Variants in HS6ST3 observed in about 807,000 individuals in gnomAD.
HS6ST3 encodes heparan sulfate 6-O-sulfotransferase 3.
In HS6ST3, 12 loss-of-function variants were observed where a neutral mutation model predicts 36.7. The ratio of observed to expected loss-of-function variants is 0.33; its 90% CI spans 0.21 to 0.53. The LOEUF (loss-of-function observed/expected upper bound fraction) is 0.53, where lower values mean the gene tolerates loss of function less well. Among genes scored for constraint, HS6ST3 ranks in the 20% least tolerant of loss-of-function variants. The probability of loss-of-function intolerance (pLI) is 0.95; values close to 1 mark genes in which losing one functional copy is unlikely to be tolerated. For missense variants in HS6ST3, 584 were observed against 640.9 expected (o/e 0.91, Z 0.96); for synonymous variants, 240 against 257.5 (o/e 0.93, Z 0.65).
chr13:96,515,197 A>T (rs1478094827), intron 1 of HS6ST3, among the ~76,000 whole-genome samples: 1 of 152,220 alleles, frequency 6.6e-6, no homozygotes, highest in Non-Finnish European at 1.5e-5. Flanking sequence ...ACTTGAATAA[A>T]CCATGAACAC....
At chr13:96,137,781 G>A (rs937044255) in intron 1 of HS6ST3, among the ~76,000 whole-genome samples, 2 of 152,260 alleles carry the variant, frequency 1.3e-5, no homozygotes, top group South Asian at 2.1e-4. Flanking sequence ...GTTTCAGGCC[G>A]CCCAGGGAAG....
intron 1 of HS6ST3, among the ~76,000 whole-genome samples, chr13:96,234,714 A>G (rs1241661467): frequency 6.6e-6 from 1 of 152,096 alleles, no homozygotes; most frequent in Non-Finnish European, 1.5e-5. Flanking sequence ...TATCCTTCCG[A>G]TGATACGTGG....
chr13:96,101,672 A>G (rs1026266987), intron 1 of HS6ST3, among the ~76,000 whole-genome samples: 25 of 152,266 alleles, frequency 1.6e-4, no homozygotes, highest in Admixed American at 5.9e-4. Flanking sequence ...TGCATATCCA[A>G]TACCATGTCT....
At chr13:96,708,813 A>C (rs1019946188) in intron 1 of HS6ST3, among the ~76,000 whole-genome samples, 1 of 152,230 alleles carries the variant, frequency 6.6e-6, no homozygotes, top group Non-Finnish European at 1.5e-5. Flanking sequence ...AGGAATGGAA[A>C]GGCGATATTA....
chr13:96,095,754 G>C (rs1444031571), intron 1 of HS6ST3, among the ~76,000 whole-genome samples: 2 of 152,142 alleles, frequency 1.3e-5, no homozygotes, highest in African/African-American at 4.8e-5. Context: ...GAATGACTCT[G>C]ATTAGCCCAG....
chr13:96,341,288 T>TTATTGGGAGGGGCTCGTATTTC (rs368955479), intron 1 of HS6ST3, among the ~76,000 whole-genome samples: 1,743 of 152,238 alleles, frequency 0.011, 34 homozygotes, highest in African/African-American at 0.04. Flanking sequence ...TTTTTGACTA[T>TTATTGGGAGGGGCTCGTATTTC]TATTGGGAGG....
chr13:96,332,083 G>T (rs1208540667), intron 1 of HS6ST3, among the ~76,000 whole-genome samples: 2 of 152,150 alleles, frequency 1.3e-5, no homozygotes, highest in Non-Finnish European at 2.9e-5. Context: ...CCACTGTCTG[G>T]CACTCCCTAG....
intron 1 of HS6ST3, among the ~76,000 whole-genome samples, chr13:96,588,865 C>T (rs1370614156): frequency 6.6e-6 from 1 of 151,786 alleles, no homozygotes; most frequent in East Asian, 1.9e-4. Flanking sequence ...GCCTGGCCAA[C>T]ATAGCAAAAC....
intron 1 of HS6ST3, among the ~76,000 whole-genome samples, chr13:96,437,459 T>G (rs1024898618): frequency 6.6e-6 from 1 of 152,224 alleles, no homozygotes; most frequent in African/African-American, 2.4e-5. Context: ...TATCACTTCT[T>G]TCTCATTTCC....
chr13:96,212,238 A>G (rs2054402615), intron 1 of HS6ST3, among the ~76,000 whole-genome samples: 1 of 152,264 alleles, frequency 6.6e-6, no homozygotes, highest in South Asian at 2.1e-4. Flanking sequence ...CACGCACACA[A>G]GAAAACATGA....
intron 1 of HS6ST3, among the ~76,000 whole-genome samples, chr13:96,139,979 G>GT (rs1566891743): frequency 6.6e-6 from 1 of 152,026 alleles, no homozygotes; most frequent in South Asian, 2.1e-4. Flanking sequence ...ATATTGGAAA[G>GT]TTTTTTTGAG....
Position 96,622,969 on chromosome 13 carries a change from A to G in HS6ST3, c.708-209521A>G, listed in dbSNP as rs562781796. Among the ~76,000 whole-genome samples, 25 of 152,018 alleles carry G rather than the reference A, an allele frequency of 1.6e-4. No homozygotes were observed. In the South Asian group the frequency reaches 5.0e-3, roughly 30 times the overall value. On this transcript the variant is annotated intron_variant, in intron 1 of 1. Transcript: ENST00000376705. Reference sequence around the variant, plus strand: ...CACTCATGCTTTTTACACAATTTCAATCTCCCTTTTTATGTCCTCAATCAT... The same window carrying G: ...CACTCATGCTTTTTACACAATTTCAGTCTCCCTTTTTATGTCCTCAATCAT...
intron 1 of HS6ST3, among the ~76,000 whole-genome samples, chr13:96,607,667 T>C (rs1358943807): frequency 9.2e-5 from 14 of 152,202 alleles, no homozygotes; most frequent in Admixed American, 9.2e-4. Context: ...ACTAGTCATA[T>C]TGGTGGTGGT....
Position 96,744,389 on chromosome 13 carries a change from A to G in HS6ST3, c.708-88101A>G, listed in dbSNP as rs138600809. On this transcript the variant is annotated intron_variant, in intron 1 of 1. Transcript: ENST00000376705. ...TAGAAACTAAGAGATTTTAAAGTGA[A>G]CATCAGGGTAAATCAATAACTCCTA... Among the ~76,000 whole-genome samples the G allele has an allele frequency of 2.7e-3, 411 of 152,210 alleles. 2 individuals are homozygous for G. The highest frequency in any genetic ancestry group is 4.0e-3 in the Non-Finnish European group (269 of 67,966).
chr13:96,337,931 C>A (rs908013638), intron 1 of HS6ST3, among the ~76,000 whole-genome samples: 2 of 152,026 alleles, frequency 1.3e-5, no homozygotes. Flanking sequence ...TTTGTGTAAT[C>A]ATATTTTAAT....
chr13:96,177,498 AT>A (rs1465392166), intron 1 of HS6ST3, among the ~76,000 whole-genome samples: 2 of 152,220 alleles, frequency 1.3e-5, no homozygotes, highest in African/African-American at 4.8e-5. Flanking sequence ...AGAGGCCATT[AT>A]CCTTAGCAAA....
At chr13:96,345,988 G>A (rs1009299081) in intron 1 of HS6ST3, among the ~76,000 whole-genome samples, 3 of 152,146 alleles carry the variant, frequency 2.0e-5, no homozygotes, top group Admixed American at 1.3e-4. Flanking sequence ...TAAGGAGCAC[G>A]CAGCCTAGAT....
chr13:96,328,578 T>C lies in HS6ST3; in HGVS notation c.707+237009T>C, dbSNP rs1163038063. On this transcript the variant is annotated intron_variant, in intron 1 of 1. Coordinates refer to ENST00000376705, the MANE Select transcript of HS6ST3 (RefSeq NM_153456.4). ...CTTTTTGATGTGCTGCTGGATTCGGTTTGCCAGTATTTTATTGAGGATTTT... is the reference window on the plus strand; with the variant it reads ...CTTTTTGATGTGCTGCTGGATTCGGCTTGCCAGTATTTTATTGAGGATTTT... 7.0e-4 allele frequency among the ~76,000 whole-genome samples: 107 copies of C among 151,784 alleles called. 1 individual carries two copies. The highest frequency in any genetic ancestry group is 2.6e-3 in the African/African-American group (106 of 41,462).
At chr13:96,800,105 G>A (rs1158535784) in intron 1 of HS6ST3, among the ~76,000 whole-genome samples, 3 of 148,292 alleles carry the variant, frequency 2.0e-5, no homozygotes, top group Non-Finnish European at 3.0e-5. Context: ...TTACTCTTGG[G>A]CATTATTATT....
Sources: allele counts gnomAD v4.1 joint callset (sites outside exome capture counted in the v4.1 genomes callset), GRCh38; gene constraint gnomAD v4.1.1; transcripts MANE v1.5; gene names NCBI Gene and HGNC (gene_info 2026-07-23, HGNC 2026-07-21).